ARHGAP6: variants seen among roughly 807,000 people sequenced by gnomAD.
ARHGAP6 encodes the protein rho GTPase-activating protein 6.
ARHGAP6 carries 16 observed loss-of-function variants against 55.7 expected under a neutral mutation model. The ratio of observed to expected loss-of-function variants is 0.29; its 90% confidence interval spans 0.19 to 0.44. The LOEUF (loss-of-function observed/expected upper bound fraction) is 0.44, where lower values mean the gene tolerates loss of function less well. Ranked by LOEUF, ARHGAP6 falls within the 20% of genes least tolerant of loss-of-function variation. The pLI is 1.00. For missense variants in ARHGAP6, 698 were observed against 808.9 expected (o/e 0.86, Z 1.66); for synonymous variants, 382 against 360.9 (o/e 1.06, Z -0.66).
At chrX:11,510,863 A>G (rs1340462740) in intron 1 of ARHGAP6, among the ~76,000 whole-genome samples, 3 of 112,099 alleles carry the variant, frequency 2.7e-5, no homozygotes, top group Admixed American at 9.5e-5. Flanking sequence ...ATCTATACAT[A>G]AAGTTTTATT....
At chrX:11,366,590 G>A (rs2049080988) in intron 1 of ARHGAP6, among the ~76,000 whole-genome samples, 1 of 111,549 alleles carries the variant, frequency 9.0e-6, no homozygotes, top group African/African-American at 3.3e-5. Context: ...CTAGAGCGAC[G>A]TGGGTAAGTG....
chrX:11,587,360 A>T (rs2051747101), intron 1 of ARHGAP6, among the ~76,000 whole-genome samples: 1 of 111,871 alleles, frequency 8.9e-6, no homozygotes, highest in Admixed American at 9.5e-5. Context: ...TTTTTAAAGC[A>T]ATGTGTTTGG....
At chrX:11,246,047 G>A (rs766381278) in intron 2 of ARHGAP6, among the ~76,000 whole-genome samples, 2 of 111,241 alleles carry the variant, frequency 1.8e-5, no homozygotes, top group Non-Finnish European at 3.8e-5. Context: ...TTTCACTCTG[G>A]TGATTTTACG....
At chrX:11,561,023 T>C (rs1373620466) in intron 1 of ARHGAP6, among the ~76,000 whole-genome samples, 1 of 111,954 alleles carries the variant, frequency 8.9e-6, no homozygotes, top group African/African-American at 3.2e-5. Context: ...AAAGTTTAAT[T>C]GGAACATAGC....
At position 11,664,555 on chromosome X, in the gene ARHGAP6, T is replaced by G. The variant is rs1479816729; in HGVS notation, c.274A>C (p.Arg92=). Residue 92 remains arginine (R), a synonymous_variant, in exon 1 of 13, where the codon AGG becomes CGG. Coordinates refer to ENST00000337414, the MANE Select transcript of ARHGAP6 (RefSeq NM_013427.3). Reference sequence around the variant, plus strand: ...CAAAGAGGTCCAGGAGGCGGTAGCCTGGTGGCCCTGGGGGGCGGACCCCGG... The same window carrying G: ...CAAAGAGGTCCAGGAGGCGGTAGCCGGGTGGCCCTGGGGGGCGGACCCCGG... ...SSRGPPPRAT[R]LPPPGPLCSS... The G allele has an allele frequency of 8.4e-7, 1 of 1,192,109 alleles. No individual in the cohort carries two copies. The highest frequency in any genetic ancestry group is 1.1e-6 in the Non-Finnish European group (1 of 885,319).
intron 1 of ARHGAP6, among the ~76,000 whole-genome samples, chrX:11,498,104 T>C (rs1016637116): frequency 1.1e-4 from 12 of 112,264 alleles, no homozygotes; most frequent in Middle Eastern, 9.2e-3. Context: ...TTTCACTTAT[T>C]TTTACTGAAA....
At chrX:11,346,047 C>T (rs778743836) in intron 1 of ARHGAP6, among the ~76,000 whole-genome samples, 2 of 110,352 alleles carry the variant, frequency 1.8e-5, no homozygotes, top group Non-Finnish European at 3.8e-5. Flanking sequence ...GTGATCCTCC[C>T]ACCTCAGTCT....
intron 1 of ARHGAP6, among the ~76,000 whole-genome samples, chrX:11,461,775 G>C (rs2050247678): frequency 8.9e-6 from 1 of 112,008 alleles, no homozygotes; most frequent in Admixed American, 9.4e-5. Context: ...GCTAAGGATG[G>C]AGCTGAAAGA....
At chrX:11,498,864 T>C (rs2050649538) in intron 1 of ARHGAP6, among the ~76,000 whole-genome samples, 1 of 112,372 alleles carries the variant, frequency 8.9e-6, no homozygotes, top group African/African-American at 3.2e-5. Flanking sequence ...TTGAAACCAT[T>C]TGGTAAAAGA....
chrX:11,481,006 A>G (rs2050451175), intron 1 of ARHGAP6, among the ~76,000 whole-genome samples: 1 of 112,187 alleles, frequency 8.9e-6, no homozygotes, highest in Non-Finnish European at 1.9e-5. Flanking sequence ...TTAGGCAATG[A>G]TAGTATTAAT....
At chrX:11,596,436 T>A (rs949861716) in intron 1 of ARHGAP6, among the ~76,000 whole-genome samples, 1 of 107,619 alleles carries the variant, frequency 9.3e-6, no homozygotes, top group African/African-American at 3.4e-5. Context: ...GTTGGGGGAG[T>A]AGGGGAGGGA....
At chrX:11,505,414 G>A (rs1424487195) in intron 1 of ARHGAP6, among the ~76,000 whole-genome samples, 3 of 111,452 alleles carry the variant, frequency 2.7e-5, no homozygotes, top group African/African-American at 9.8e-5. Context: ...TGCTGGTGAG[G>A]TTGTGGAGAA....
intron 1 of ARHGAP6, among the ~76,000 whole-genome samples, chrX:11,590,801 GA>G (rs1409033689): frequency 4.3e-5 from 1 of 23,024 alleles, no homozygotes; most frequent in African/African-American, 2.6e-4. Context: ...GAAAAGAAAA[GA>G]AAAGAAAAGA....
rs549394611 is a variant in ARHGAP6 at position 11,502,759 on chromosome X, T to C, written c.588+161482A>G. Reference sequence around the variant, plus strand: ...TCTCTAGCTTACTTTATTGGAAGAATACAGGGTATAATTCATATAACATAC... The same window carrying C: ...TCTCTAGCTTACTTTATTGGAAGAACACAGGGTATAATTCATATAACATAC... On this transcript the variant is annotated intron_variant, in intron 1 of 12. Coordinates refer to ENST00000337414, the MANE Select transcript of ARHGAP6 (RefSeq NM_013427.3). Among the ~76,000 whole-genome samples, 69 of 112,365 alleles carry C rather than the reference T, an allele frequency of 6.1e-4. No individual in the cohort carries two copies. The South Asian group carries it at 6.6e-3, about 11-fold the overall frequency.
At chrX:11,157,011 C>G (rs1208514733) in intron 9 of ARHGAP6, among the ~76,000 whole-genome samples, 3 of 112,219 alleles carry the variant, frequency 2.7e-5, no homozygotes, top group Admixed American at 9.4e-5. Flanking sequence ...ATAATTATGC[C>G]AAGGCAGCAG....
chrX:11,483,285 C>T (rs1191440898), intron 1 of ARHGAP6, among the ~76,000 whole-genome samples: 1 of 111,754 alleles, frequency 8.9e-6, no homozygotes, highest in Non-Finnish European at 1.9e-5. Context: ...CCTCAGATGC[C>T]GAGCCATGAT....
chrX:11,362,437 T>C (rs2049024498), intron 1 of ARHGAP6, among the ~76,000 whole-genome samples: 1 of 109,522 alleles, frequency 9.1e-6, no homozygotes, highest in South Asian at 4.0e-4. Context: ...TTCTCACTCA[T>C]AGATGGGAAC....
At chrX:11,216,512 G>A (rs2046884993) in intron 2 of ARHGAP6, among the ~76,000 whole-genome samples, 1 of 111,395 alleles carries the variant, frequency 9.0e-6, no homozygotes, top group Non-Finnish European at 1.9e-5. Context: ...TATTAGCCAG[G>A]CGTGGTGGCA....
Position 11,234,208 on chromosome X carries a change from A to G in ARHGAP6, c.748+20340T>C, listed in dbSNP as rs530937801. The stretch of plus-strand genomic sequence containing the variant: ...AAACGTGATTTAGTTGTTTTTCTGT[A>G]GGATCCTGCGTGGGGTCACCTGTTT... On this transcript the variant is annotated intron_variant, in intron 2 of 12. Coordinates refer to ENST00000337414, the MANE Select transcript of ARHGAP6 (RefSeq NM_013427.3). Among the ~76,000 whole-genome samples the G allele has an allele frequency of 2.7e-5, 3 of 112,389 alleles. 1 individual carries two copies. The Admixed American group carries it at 2.8e-4, about 11-fold the overall frequency.
Sources: gnomAD v4.1 joint callset for allele counts (sites outside exome capture counted in the v4.1 genomes callset) on GRCh38, gnomAD v4.1.1 for gene constraint, MANE v1.5 for transcripts, NCBI Gene and HGNC (gene_info 2026-07-23, HGNC 2026-07-21) for gene names.